Variants in UCK2 observed in about 807,000 individuals in gnomAD.
UCK2 encodes cytidine monophosphokinase 2.
UCK2 carries 6 observed loss-of-function variants against 30.8 expected under a neutral mutation model. That is an observed-to-expected ratio of 0.19 (90% CI 0.11 to 0.38). UCK2 has a LOEUF of 0.38. UCK2 is among the 10% of genes least tolerant of loss of function. UCK2 has a pLI of 1.00. For synonymous variants in UCK2, 125 were observed against 133.6 expected, an observed-to-expected ratio of 0.94 and a Z score of 0.45; for missense variants, 210 against 339.8, an observed-to-expected ratio of 0.62 and a Z score of 3.00.
chr1:165,828,784 C>G (rs1443202154), intron 1 of UCK2, among the ~76,000 whole-genome samples: 1 of 152,112 alleles, frequency 6.6e-6, no homozygotes, highest in African/African-American at 2.4e-5. Context: ...GGGGTTTTTT[C>G]TGCAGGTGGA....
chr1:165,848,931 G>T (rs1307823086), intron 1 of UCK2, among the ~76,000 whole-genome samples: 1 of 152,048 alleles, frequency 6.6e-6, no homozygotes, highest in Non-Finnish European at 1.5e-5. Context: ...AGCCAGATGT[G>T]GGAAAAGGCA....
chr1:165,901,917 C>G (rs2101887703), intron 4 of UCK2, among the ~76,000 whole-genome samples: 1 of 138,008 alleles, frequency 7.2e-6, no homozygotes, highest in African/African-American at 2.9e-5. Context: ...CAAGACTAGC[C>G]TGGGCAACAA....
At chr1:165,844,423 A>G (rs1654398709) in intron 1 of UCK2, among the ~76,000 whole-genome samples, 1 of 152,214 alleles carries the variant, frequency 6.6e-6, no homozygotes, top group African/African-American at 2.4e-5. Flanking sequence ...AACCCTGTGG[A>G]TAGGGGCACT....
intron 1 of UCK2, among the ~76,000 whole-genome samples, chr1:165,854,009 G>T (rs936318028): frequency 6.6e-6 from 1 of 152,236 alleles, no homozygotes; most frequent in Non-Finnish European, 1.5e-5. Flanking sequence ...ATGTTCACCA[G>T]TTCTTTCAAC....
intron 4 of UCK2, among the ~76,000 whole-genome samples, chr1:165,899,283 C>T (rs1325057440): frequency 6.6e-6 from 1 of 152,160 alleles, no homozygotes; most frequent in African/African-American, 2.4e-5. Flanking sequence ...TTCATATTCC[C>T]TCTGTGCTCT....
At chr1:165,844,004 A>G (rs1216046391) in intron 1 of UCK2, among the ~76,000 whole-genome samples, 2 of 152,138 alleles carry the variant, frequency 1.3e-5, no homozygotes, top group African/African-American at 4.8e-5. Context: ...GTGCTATTCT[A>G]AGTGTTTTAT....
At chr1:165,895,724 C>T in intron 3 of UCK2, 2 of 879,906 alleles carry the variant, frequency 2.3e-6, no homozygotes, top group Non-Finnish European at 2.7e-6. Flanking sequence ...CTTTCAATTG[C>T]CTCAGGACTG....
Position 165,907,726 on chromosome 1 carries a change from A to T in UCK2, c.689A>T (p.Asn230Ile). ...LIVQHIQDIL[N>I]GGPSKRQTNG... ...GTGCAGCACATCCAGGACATCCTGA[A>T]TGGAGGGCCCTCCAAACGGCAGACC... The change falls in exon 7 of 7, where the codon AAT becomes ATT. Residue 230 changes from asparagine (N) to isoleucine (I), a missense_variant. Physicochemically the swap from Asn to Ile is moderately radical, Grantham distance 149. Around this residue, in one of 4 missense-constraint regions of UCK2, gnomAD observed 38 missense variants for 45.4 expected, o/e 0.84. Coordinates refer to ENST00000367879, the MANE Select transcript of UCK2 (RefSeq NM_012474.5). 6.2e-7 allele frequency: 1 copy of T among 1,614,152 alleles called. No individual in the cohort carries two copies. Among genetic ancestry groups the T allele is most frequent in the South Asian group, 1.1e-5 (1 of 91,080 alleles).
At chr1:165,881,709 G>T (rs1440308268) in intron 1 of UCK2, among the ~76,000 whole-genome samples, 1 of 152,206 alleles carries the variant, frequency 6.6e-6, no homozygotes. Flanking sequence ...TGTTCTGTGT[G>T]TTAGCTATTA....
At chr1:165,857,871 A>G (rs754810086) in intron 1 of UCK2, among the ~76,000 whole-genome samples, 17 of 152,136 alleles carry the variant, frequency 1.1e-4, no homozygotes, top group African/African-American at 1.4e-4. Flanking sequence ...GTCAGTGTTT[A>G]CTGCACCCCA....
At chr1:165,847,886 G>A (rs1361331099) in intron 1 of UCK2, among the ~76,000 whole-genome samples, 1 of 152,056 alleles carries the variant, frequency 6.6e-6, no homozygotes, top group African/African-American at 2.4e-5. Context: ...TGCCTCCTGG[G>A]TTCGGGGTTT....
chr1:165,903,100 G>T, intron 4 of UCK2, 82 bp from the exon 5 acceptor site: 1 of 1,017,816 alleles, frequency 9.8e-7, no homozygotes, highest in South Asian at 1.5e-5. Context: ...GGAGCCTGTG[G>T]GAGCTAGGTC....
intron 1 of UCK2, among the ~76,000 whole-genome samples, chr1:165,841,966 T>G (rs1654341932): frequency 6.6e-6 from 1 of 152,178 alleles, no homozygotes; most frequent in Non-Finnish European, 1.5e-5. Flanking sequence ...TCATAAAGTG[T>G]TGTCGCAGGT....
chr1:165,856,819 T>G (rs1210063182), intron 1 of UCK2, among the ~76,000 whole-genome samples: 1 of 152,034 alleles, frequency 6.6e-6, no homozygotes, highest in Non-Finnish European at 1.5e-5. Context: ...TCTTGGCAGC[T>G]GCAGATGTCA....
At chr1:165,834,457 C>T (rs1302560536) in intron 1 of UCK2, among the ~76,000 whole-genome samples, 1 of 151,900 alleles carries the variant, frequency 6.6e-6, no homozygotes, top group Admixed American at 6.6e-5. Context: ...AGAGCAAGAC[C>T]CTATATCAGA....
At chr1:165,906,067 A>G (rs1647649014) in intron 6 of UCK2, 98 bp downstream of exon 6, 5 of 1,143,372 alleles carry the variant, frequency 4.4e-6, no homozygotes, top group Non-Finnish European at 5.2e-6. Flanking sequence ...CTCTGCAGAC[A>G]TGGCTGCCCT....
At chr1:165,841,789 C>T (rs1352193209) in intron 1 of UCK2, among the ~76,000 whole-genome samples, 2 of 152,148 alleles carry the variant, frequency 1.3e-5, no homozygotes, top group Admixed American at 1.3e-4. Flanking sequence ...ACTCCCTTTA[C>T]TGGTTTCCTG....
At chr1:165,871,213 G>GA (rs1196412318) in intron 1 of UCK2, among the ~76,000 whole-genome samples, 7 of 151,994 alleles carry the variant, frequency 4.6e-5, no homozygotes, top group South Asian at 2.1e-4. Context: ...TCATGGTATG[G>GA]AAAAAAACAG....
At chr1:165,886,466 C>T (rs1481214792) in intron 1 of UCK2, among the ~76,000 whole-genome samples, 2 of 152,008 alleles carry the variant, frequency 1.3e-5, no homozygotes. Flanking sequence ...TAGATAATTT[C>T]TGAATTTGTG....
Sources: gnomAD v4.1 joint callset for allele counts (sites outside exome capture counted in the v4.1 genomes callset) on GRCh38, gnomAD v4.1.1 for gene constraint, gnomAD v4.1.1 regional missense constraint, MANE v1.5 for transcripts, NCBI Gene and HGNC (gene_info 2026-07-23, HGNC 2026-07-21) for gene names.